Variants in FLNC observed in about 807,000 individuals in gnomAD.
FLNC encodes the protein filamin-C.
Under a neutral mutation model 254.3 loss-of-function variants are expected in FLNC, and 91 were observed. The observed-to-expected ratio is 0.36, with a 90% CI of 0.30 to 0.43. The LOEUF is 0.43. Ranked by LOEUF, FLNC falls within the 20% of genes least tolerant of loss-of-function variation. The pLI is 1.00. For missense variants in FLNC, 2,853 were observed against 3,802.6 expected (o/e 0.75, Z 6.57); for synonymous variants, 1,430 against 1,577.2 (o/e 0.91, Z 2.21).
At chr7:128,848,739 C>T (rs1365177717) in intron 27 of FLNC, 22 bp downstream of exon 27, 1 of 1,614,030 alleles carries the variant, frequency 6.2e-7, no homozygotes, top group South Asian at 1.1e-5. Context: ...TGCATCCCAC[C>T]CCGCAGGTCA....
Position 128,842,833 on chromosome 7 carries a change from TG to T in FLNC, c.2432del (p.Gly811AlafsTer67), listed in dbSNP as rs776269505. 6.2e-7 allele frequency: 1 copy of T among 1,613,832 alleles called. No homozygotes were observed. ...GGCATCAAGTGCGCCCCAGGCGTGGTGGGCCCTGCAGAGGCTGACATTGACT... is the reference window on the plus strand; with the variant it reads ...GGCATCAAGTGCGCCCCAGGCGTGGTGGCCCTGCAGAGGCTGACATTGACT... Reference protein sequence around the residue: ...SIGIKCAPGVVGPAEADIDFD... With the variant: ...SIGIKCAPGVXGPAEADIDFD... On this transcript the variant is annotated frameshift_variant, in exon 16 of 48. Coordinates refer to ENST00000325888, the MANE Select transcript of FLNC (RefSeq NM_001458.5). LOFTEE classifies it high-confidence loss of function. This position sits in a 1 kb window ranked among gnomAD's most constrained non-coding sequence, Gnocchi z 5.4.
chr7:128,858,666 G>C lies in FLNC; in HGVS notation c.*143G>C, dbSNP rs1254132561. ...ACACCTGCCTTGGGGGTGAAGTGAA[G>C]GCCCAGCCTCCCCACCCCACCGCGC... is the stretch of plus-strand genomic sequence containing the variant. On this transcript the variant is annotated 3_prime_UTR_variant, in exon 48 of 48. Coordinates refer to ENST00000325888, the MANE Select transcript of FLNC (RefSeq NM_001458.5). This position sits in a 1 kb window ranked among gnomAD's most constrained non-coding sequence, Gnocchi z 6.7. The C allele has an allele frequency of 4.3e-6, 3 of 703,774 alleles. No individual in the cohort carries two copies. Among genetic ancestry groups the C allele is most frequent in the Non-Finnish European group, 7.4e-6 (3 of 404,398 alleles). The allele number at this position is 703,774 out of a possible 1,614,324, so 43.6% of individuals were successfully genotyped here.
Position 128,858,839 on chromosome 7 carries a change from T to A in FLNC, c.*316T>A. On this transcript the variant is annotated 3_prime_UTR_variant, in exon 48 of 48. Coordinates refer to ENST00000325888, the MANE Select transcript of FLNC (RefSeq NM_001458.5). The surrounding 1 kb of genome is among the most constrained non-coding windows in gnomAD (Gnocchi z 6.7). Reference sequence around the variant, plus strand: ...CGAGGCCAGGGAAGCCCTGAGTTTCTGGCGGGGCTGAGCAGTGGGGGAGCA... The same window carrying A: ...CGAGGCCAGGGAAGCCCTGAGTTTCAGGCGGGGCTGAGCAGTGGGGGAGCA... 1 of 454,488 alleles carries A rather than the reference T, an allele frequency of 2.2e-6. No homozygotes were observed. The highest frequency in any genetic ancestry group is 4.1e-6 in the Non-Finnish European group (1 of 244,902). 28.2% of individuals were successfully genotyped at this position (454,488 alleles called of 1,614,324 possible).
rs374175186 is a variant in FLNC at position 128,858,520 on chromosome 7, T to C, written c.8175T>C (p.Pro2725=). 2 of 1,612,752 alleles carry C rather than the reference T, an allele frequency of 1.2e-6. No individual in the cohort carries two copies. The highest frequency in any genetic ancestry group is 1.7e-6 in the Non-Finnish European group (2 of 1,179,574). The change falls in exon 48 of 48, where the codon CCT becomes CCC. Residue 2725 remains proline, a synonymous_variant. Coordinates refer to ENST00000325888, the MANE Select transcript of FLNC (RefSeq NM_001458.5). This position sits in a 1 kb window ranked among gnomAD's most constrained non-coding sequence, Gnocchi z 6.7. ...GAAGCCCCTTCAAAGTCAAGGTCCC[T>C]TGAATCCCAAAAGTGCCTCCCCAGC... ...VPGSPFKVKV[P]
chr7:128,843,813 A>G lies in FLNC; in HGVS notation c.2829A>G (p.Thr943=). 6.2e-7 allele frequency: 1 copy of G among 1,614,122 alleles called. No homozygotes were observed. Residue 943 remains threonine, a synonymous_variant, in exon 19 of 48, where the codon ACA becomes ACG. Coordinates refer to ENST00000325888, the MANE Select transcript of FLNC (RefSeq NM_001458.5). ...TAVQQGNMAV[T]VTYGGDPVPK... ...CCCAACAGGGCAACATGGCAGTGAC[A>G]GTGACTTATGGCGGGGACCCTGTCC...
At chr7:128,846,660 C>A in intron 23 of FLNC, 85 bp from the exon 24 acceptor site, 1 of 1,461,640 alleles carries the variant, frequency 6.8e-7, no homozygotes, top group South Asian at 1.2e-5. Flanking sequence ...GGCCTGCCCT[C>A]TTTCCTCCCT....
At position 128,842,831 on chromosome 7, in the gene FLNC, G is replaced by T. The variant is rs901910589; in HGVS notation, c.2427G>T (p.Val809=). 3.1e-6 allele frequency: 5 copies of T among 1,613,782 alleles called. No homozygotes were observed. Among genetic ancestry groups the T allele is most frequent in the Middle Eastern group, 1.6e-4 (1 of 6,084 alleles). ...VSIGIKCAPG[V]VGPAEADIDF... ...TCGGCATCAAGTGCGCCCCAGGCGT[G>T]GTGGGCCCTGCAGAGGCTGACATTG... Residue 809 remains valine (V), a synonymous_variant, in exon 16 of 48, where the codon GTG becomes GTT. Transcript: ENST00000325888. The surrounding 1 kb of genome is among the most constrained non-coding windows in gnomAD (Gnocchi z 5.4).
At position 128,838,001 on chromosome 7, in the gene FLNC, C is replaced by T; in HGVS notation, c.984C>T (p.Pro328=). The change falls in exon 6 of 48, where the codon CCC becomes CCT. Residue 328 remains proline (P), a synonymous_variant. Transcript: ENST00000325888. ...EGHTEEAKVV[P]NNDKDRTYAV... is the part of the protein sequence containing the mutation. ...CTTCCTAATAGGCTAAGGTGGTTCC[C>T]AACAATGACAAGGATCGCACCTATG... is the stretch of plus-strand genomic sequence containing the variant. 1 of 1,613,922 alleles carries T rather than the reference C, an allele frequency of 6.2e-7. No homozygotes were observed.
intron 1 of FLNC, among the ~76,000 whole-genome samples, chr7:128,834,406 C>T (rs913245097): frequency 3.4e-5 from 5 of 148,442 alleles, no homozygotes; most frequent in Non-Finnish European, 5.9e-5. Flanking sequence ...AGGCTGGAGT[C>T]CCTCTGGCCC....
chr7:128,846,678 C>A, intron 23 of FLNC, 67 bp from the exon 24 acceptor site: 3 of 1,522,368 alleles, frequency 2.0e-6, no homozygotes, highest in East Asian at 2.3e-5. Flanking sequence ...CCTGTCCCCC[C>A]ATTCAGCTAC....
intron 5 of FLNC, 108 bp from the exon 6 acceptor site, chr7:128,837,879 G>A: frequency 7.3e-7 from 1 of 1,376,448 alleles, no homozygotes; most frequent in Non-Finnish European, 1.0e-6. Flanking sequence ...GCAGTCTGGG[G>A]AAGGTGTCAC....
chr7:128,831,592 A>G (rs1183455937), intron 1 of FLNC, among the ~76,000 whole-genome samples: 24 of 152,068 alleles, frequency 1.6e-4, no homozygotes, highest in Non-Finnish European at 4.4e-5. Flanking sequence ...CTAAAAAGGC[A>G]CTGAGCGAGC....
Position 128,853,637 on chromosome 7 carries a change from G to A in FLNC, c.6361+16G>A. The A allele has an allele frequency of 4.3e-6, 7 of 1,614,138 alleles. No homozygotes were observed. The highest frequency in any genetic ancestry group is 5.9e-6 in the Non-Finnish European group (7 of 1,180,032). ...CACGTGCCTGGTAAGGCTCTGGGCAGAGGTCGGTGGCGAGAGACAGGGAGG... is the reference window on the plus strand; with the variant it reads ...CACGTGCCTGGTAAGGCTCTGGGCAAAGGTCGGTGGCGAGAGACAGGGAGG... On this transcript the variant is annotated intron_variant, in intron 38 of 47. Coordinates refer to ENST00000325888, the MANE Select transcript of FLNC (RefSeq NM_001458.5).
chr7:128,852,089 C>T (rs1808843101), intron 35 of FLNC, among the ~76,000 whole-genome samples: 1 of 152,164 alleles, frequency 6.6e-6, no homozygotes, highest in African/African-American at 2.4e-5. Flanking sequence ...TGGTCTCGAT[C>T]TCCTGACCTT....
In FLNC at chr7:128,854,840, A is replaced by G; in HGVS notation, c.7063A>G (p.Ser2355Gly). The change falls in exon 42 of 48, where the codon AGC (serine) becomes GGC (glycine). Residue 2355 changes from serine to glycine, a missense_variant. Ser to Gly is a moderately conservative substitution (Grantham distance 56, BLOSUM62 0). Coordinates refer to ENST00000325888, the MANE Select transcript of FLNC (RefSeq NM_001458.5). Reference protein sequence around the residue: ...GGLSIAVEGPSKAEIAFEDRK... With the variant: ...GGLSIAVEGPGKAEIAFEDRK... ...CCTGTCCATTGCTGTGGAGGGTCCT[A>G]GCAAAGCGGAGATTGCATTTGAGGA... The G allele has an allele frequency of 6.2e-7, 1 of 1,614,118 alleles. No homozygotes were observed.
rs2128932043 is a variant in FLNC, at chr7:128,830,569, A to G, written c.-69A>G. ...GCGAGTCCCGTGGTCGCGCCCCAAC[A>G]GCGCCCGACAGCCCCCGATAGCCCA... On this transcript the variant is annotated 5_prime_UTR_variant, in exon 1 of 48. Transcript: ENST00000325888. The G allele has an allele frequency of 1.1e-5, 15 of 1,351,938 alleles. No homozygotes were observed. In the South Asian group the frequency reaches 1.8e-4, roughly 16 times the overall value. The allele number at this position is 1,351,938 out of a possible 1,614,324, so 83.7% of individuals were successfully genotyped here. A position where few individuals can be genotyped will look rare whatever the true frequency, so the allele number is the denominator to read the frequency against.
rs557380928 is a variant in FLNC at position 128,844,196 on chromosome 7, C to G, written c.3122C>G (p.Thr1041Ser). 1 of 1,613,260 alleles carries G rather than the reference C, an allele frequency of 6.2e-7. No homozygotes were observed. The highest frequency in any genetic ancestry group is 1.3e-5 in the African/African-American group (1 of 75,052). Residue 1041 changes from threonine (T) to serine (S), a missense_variant, in exon 20 of 48, where the codon ACC becomes AGC. Transcript: ENST00000325888. ...GAGGGGCCCTACAAGGTGGATATCA[C>G]CTACGATGGTCACCCGGTGCCTGGC... ...PEEGPYKVDI[T>S]YDGHPVPGSP...
rs1282619643 is a variant in FLNC at position 128,849,197 on chromosome 7, TG to T, written c.4946del (p.Gly1649AlafsTer17). The T allele has an allele frequency of 6.2e-7, 1 of 1,611,898 alleles. No homozygotes were observed. The highest frequency in any genetic ancestry group is 1.7e-5 in the Admixed American group (1 of 59,940). On this transcript the variant is annotated frameshift_variant, in exon 29 of 48. Transcript: ENST00000325888. LOFTEE classifies it high-confidence loss of function. ...CLVTVSIGGHGLGACLGPRIQ... is the reference protein window; with the variant it reads ...CLVTVSIGGHXLGACLGPRIQ... ...TCTTTCCAGTGTCCATTGGAGGCCA[TG>T]GCCTGGGTGAGTGCCCTTTCTCTCC...
At position 128,852,972 on chromosome 7, in the gene FLNC, G is replaced by A. The variant is rs1261109029; in HGVS notation, c.6149G>A (p.Gly2050Glu). The change falls in exon 37 of 48, where the codon GGG becomes GAG. Residue 2050 changes from glycine (G) to glutamate (E), a missense_variant. Transcript: ENST00000325888. ...DASKVRVWGK[G>E]LSEGHTFQVA... ...AGCAAGGTGCGGGTCTGGGGCAAGG[G>A]GCTTTCCGAGGGACACACATTCCAG... 5.0e-6 allele frequency: 8 copies of A among 1,613,382 alleles called. No individual in the cohort carries two copies. The highest frequency in any genetic ancestry group is 6.8e-6 in the Non-Finnish European group (8 of 1,180,030).
Sources: gnomAD v4.1 joint callset for allele counts (sites outside exome capture counted in the v4.1 genomes callset) on GRCh38, gnomAD v4.1.1 for gene constraint, Gnocchi (gnomAD v3.1) non-coding constraint, MANE v1.5 for transcripts, NCBI Gene and HGNC (gene_info 2026-07-23, HGNC 2026-07-21) for gene names.